Variants in LIN52 observed in about 807,000 individuals in gnomAD.
LIN52 encodes the protein protein lin-52 homolog.
LIN52 carries 4 observed loss-of-function variants against 18.5 expected under a neutral mutation model. The ratio of observed to expected loss-of-function variants is 0.22; its 90% CI spans 0.11 to 0.49. The LOEUF (loss-of-function observed/expected upper bound fraction) is 0.49, where lower values mean the gene tolerates loss of function less well. Ranked by LOEUF, LIN52 falls within the 20% of genes least tolerant of loss-of-function variation. The probability of loss-of-function intolerance (pLI) is 0.97; values close to 1 mark genes in which losing one functional copy is unlikely to be tolerated. For synonymous variants in LIN52, 34 were observed against 45.5 expected, an observed-to-expected ratio of 0.75 and a Z score of 1.02; for missense variants, 102 against 139.5, an observed-to-expected ratio of 0.73 and a Z score of 1.35.
intron 5 of LIN52, among the ~76,000 whole-genome samples, chr14:74,181,561 C>G (rs1016361018): frequency 6.6e-6 from 1 of 151,930 alleles, no homozygotes; most frequent in South Asian, 2.1e-4. Flanking sequence ...AAATTATGGT[C>G]TGTATTATCA....
intron 5 of LIN52, among the ~76,000 whole-genome samples, chr14:74,114,806 G>A (rs572257210): frequency 1.1e-4 from 16 of 152,296 alleles, no homozygotes; most frequent in Middle Eastern, 3.4e-3. Flanking sequence ...AAATCAATAT[G>A]TGAAATAGGA....
rs34746271 is a variant in LIN52 at position 74,130,588 on chromosome 14, A to ATTTT, written c.283+29371_283+29374dup. On this transcript the variant is annotated intron_variant, in intron 5 of 5. Coordinates refer to ENST00000555028, the MANE Select transcript of LIN52 (RefSeq NM_001024674.3). ...CCACCACACCTAGCCTAAATTGGCC[A>ATTTT]TTTTTTTTTTTTTTTTTTTTTTTTG... is the stretch of plus-strand genomic sequence containing the variant. 3.2e-3 allele frequency among the ~76,000 whole-genome samples: 237 copies of ATTTT among 72,978 alleles called. 3 individuals are homozygous for ATTTT. Among genetic ancestry groups the ATTTT allele is most frequent in the Admixed American group, 4.3e-3 (23 of 5,406 alleles). 47.9% of individuals were successfully genotyped at this position (72,978 alleles called of 152,430 possible). A position where few individuals can be genotyped will look rare whatever the true frequency, so the allele number is the denominator to read the frequency against.
intron 5 of LIN52, among the ~76,000 whole-genome samples, chr14:74,135,813 C>T (rs1419964806): frequency 8.4e-6 from 1 of 119,502 alleles, no homozygotes; most frequent in Non-Finnish European, 1.8e-5. Context: ...TCCTTTAGAA[C>T]AGGGAGTTTT....
chr14:74,130,278 G>GTTTGTTTGTTTTTTTTTTT (rs1555382571), intron 5 of LIN52, among the ~76,000 whole-genome samples: 2 of 64,840 alleles, frequency 3.1e-5, no homozygotes, highest in South Asian at 6.7e-4. Context: ...GCATTTTTTG[G>GTTTGTTTGTTTTTTTTTTT]TTTTTTTTTT....
intron 2 of LIN52, 132 bp from the exon 3 acceptor site, chr14:74,095,816 T>G: frequency 1.7e-6 from 1 of 584,944 alleles, no homozygotes; most frequent in Non-Finnish European, 2.9e-6. Flanking sequence ...AACAGTGTTA[T>G]AGTTATTGGT....
intron 5 of LIN52, among the ~76,000 whole-genome samples, chr14:74,112,878 A>T (rs192878888): frequency 6.6e-6 from 1 of 152,218 alleles, no homozygotes; most frequent in Non-Finnish European, 1.5e-5. Flanking sequence ...GAAAAGCTCT[A>T]TGAGAGTACA....
At chr14:74,173,218 G>A (rs969000539) in intron 5 of LIN52, among the ~76,000 whole-genome samples, 28 of 152,114 alleles carry the variant, frequency 1.8e-4, no homozygotes, top group African/African-American at 6.3e-4. Context: ...ACAGAGTTTC[G>A]CTCTTGTTGC....
At position 74,101,249 on chromosome 14, in the gene LIN52, C is replaced by G. The variant is rs17096314; in HGVS notation, c.283+11C>G. The stretch of plus-strand genomic sequence containing the variant: ...TGGGGCTGGATGAGTGTGAGTACCC[C>G]GATCGCATTTGTTCAGGGGTGTATT... On this transcript the variant is annotated intron_variant, in intron 5 of 5. Coordinates refer to ENST00000555028, the MANE Select transcript of LIN52 (RefSeq NM_001024674.3). 3 of 1,591,220 alleles carry G rather than the reference C, an allele frequency of 1.9e-6. No homozygotes were observed. Among genetic ancestry groups the G allele is most frequent in the African/African-American group, 2.7e-5 (2 of 73,650 alleles).
At chr14:74,121,213 C>G (rs1310541749) in intron 5 of LIN52, among the ~76,000 whole-genome samples, 2 of 152,180 alleles carry the variant, frequency 1.3e-5, no homozygotes, top group Admixed American at 1.3e-4. Context: ...ATCAGTGGCT[C>G]CCATATAATT....
intron 5 of LIN52, among the ~76,000 whole-genome samples, chr14:74,195,293 G>GAGATTATAAATGTCCAGAGACCAGCAAC (rs2078905202): frequency 6.6e-6 from 1 of 152,154 alleles, no homozygotes; most frequent in Admixed American, 6.5e-5. Flanking sequence ...AACTGGGAGT[G>GAGATTATAAATGTCCAGAGACCAGCAAC]CCAAGCTGAA....
chr14:74,093,403 A>G (rs2060786400), intron 2 of LIN52, among the ~76,000 whole-genome samples: 1 of 141,680 alleles, frequency 7.1e-6, no homozygotes, highest in African/African-American at 2.7e-5. Flanking sequence ...CTTGGCTCAC[A>G]GCAACCTCTG....
At chr14:74,107,311 T>C (rs1246822753) in intron 5 of LIN52, among the ~76,000 whole-genome samples, 1 of 152,180 alleles carries the variant, frequency 6.6e-6, no homozygotes, top group Non-Finnish European at 1.5e-5. Context: ...GACCTGTAAG[T>C]TTCAATACTA....
intron 5 of LIN52, among the ~76,000 whole-genome samples, chr14:74,112,308 T>G (rs1191576177): frequency 6.6e-6 from 1 of 152,120 alleles, no homozygotes; most frequent in Admixed American, 6.6e-5. Flanking sequence ...TTGTTTGTTT[T>G]TTTTTAAATT....
At chr14:74,188,457 T>C (rs1230843179) in intron 5 of LIN52, among the ~76,000 whole-genome samples, 1 of 152,152 alleles carries the variant, frequency 6.6e-6, no homozygotes, top group African/African-American at 2.4e-5. Context: ...TAAAAAGTTC[T>C]ATATTTCTGT....
At chr14:74,096,277 C>T (rs1051470787) in intron 3 of LIN52, among the ~76,000 whole-genome samples, 2 of 151,978 alleles carry the variant, frequency 1.3e-5, no homozygotes, top group African/African-American at 4.8e-5. Context: ...TCAGGCTGGT[C>T]TCAAACTCCT....
chr14:74,146,738 G>C (rs2061153788), intron 5 of LIN52, among the ~76,000 whole-genome samples: 1 of 151,944 alleles, frequency 6.6e-6, no homozygotes, highest in African/African-American at 2.4e-5. Context: ...TCTTGAAAAA[G>C]AACAAAGTTG....
chr14:74,191,326 C>T (rs12895268), intron 5 of LIN52, among the ~76,000 whole-genome samples: 17,073 of 152,240 alleles, frequency 0.11, 1,265 homozygotes, highest in Admixed American at 0.19. Context: ...TTTGAATCTT[C>T]CTAATATCTA....
intron 4 of LIN52, among the ~76,000 whole-genome samples, chr14:74,098,577 C>T (rs2060831467): frequency 6.8e-6 from 1 of 147,278 alleles, no homozygotes; most frequent in South Asian, 2.2e-4. Flanking sequence ...GACGGAGTCT[C>T]GCTTTTGTTG....
At chr14:74,099,884 A>G (rs2060841917) in intron 4 of LIN52, among the ~76,000 whole-genome samples, 1 of 152,254 alleles carries the variant, frequency 6.6e-6, no homozygotes, top group South Asian at 2.1e-4. Flanking sequence ...TCTCAAGCAC[A>G]GAAACACCCA....
Sources: gnomAD v4.1 joint callset for allele counts (sites outside exome capture counted in the v4.1 genomes callset) on GRCh38, gnomAD v4.1.1 for gene constraint, MANE v1.5 for transcripts, NCBI Gene and HGNC (gene_info 2026-07-23, HGNC 2026-07-21) for gene names.